Variants in GALNT2 observed in about 807,000 individuals in gnomAD.
GALNT2 encodes the protein polypeptide N-acetylgalactosaminyltransferase 2.
A neutral mutation model predicts 81.4 loss-of-function variants in GALNT2; 31 were observed. The ratio of observed to expected loss-of-function variants is 0.38; its 90% CI spans 0.29 to 0.51. GALNT2 has a LOEUF of 0.51. Among genes scored for constraint, GALNT2 ranks in the 20% least tolerant of loss-of-function variants. The pLI, the probability that GALNT2 is intolerant of heterozygous loss-of-function variation, is 0.87. For missense variants in GALNT2, 629 were observed against 765.7 expected, an observed-to-expected ratio of 0.82 and a Z score of 2.11; for synonymous variants, 303 against 287.4, an observed-to-expected ratio of 1.05 and a Z score of -0.55.
intron 1 of GALNT2, among the ~76,000 whole-genome samples, chr1:230,156,711 C>T (rs1662270133): frequency 2.6e-5 from 4 of 151,998 alleles, no homozygotes; most frequent in Non-Finnish European, 5.9e-5. Context: ...GAACTCGGGG[C>T]CATGGTAAGC....
At chr1:230,146,174 G>T (rs1349737705) in intron 1 of GALNT2, among the ~76,000 whole-genome samples, 1 of 152,172 alleles carries the variant, frequency 6.6e-6, no homozygotes, top group Non-Finnish European at 1.5e-5. Context: ...GTTTGGAGTT[G>T]GATGTGAGAA....
chr1:230,072,582 T>C (rs1374114448), intron 1 of GALNT2, among the ~76,000 whole-genome samples: 1 of 152,198 alleles, frequency 6.6e-6, no homozygotes, highest in East Asian at 1.9e-4. Flanking sequence ...CTTTTGTCCT[T>C]GTGAAGCCTC....
chr1:230,265,507 C>A (rs946234362), intron 14 of GALNT2, 140 bp downstream of exon 14: 2 of 1,183,428 alleles, frequency 1.7e-6, no homozygotes, highest in Middle Eastern at 2.9e-4. Flanking sequence ...TCCTGCTGGC[C>A]ACAGCCTCTT....
intron 1 of GALNT2, among the ~76,000 whole-genome samples, chr1:230,140,609 C>T (rs7536794): frequency 4.7e-4 from 71 of 152,348 alleles, no homozygotes; most frequent in African/African-American, 9.9e-4. Flanking sequence ...CCTGGAGTGA[C>T]GCGCTGCCAC....
At chr1:230,212,607 G>A (rs556088117) in intron 3 of GALNT2, among the ~76,000 whole-genome samples, 18 of 152,196 alleles carry the variant, frequency 1.2e-4, no homozygotes, top group African/African-American at 4.3e-4. Context: ...CAGGCTCAGC[G>A]AGATATACGA....
intron 1 of GALNT2, among the ~76,000 whole-genome samples, chr1:230,172,529 G>A (rs1662827088): frequency 6.6e-6 from 1 of 152,194 alleles, no homozygotes; most frequent in Non-Finnish European, 1.5e-5. Context: ...TAGCCCTTCT[G>A]GATCCTTTTT....
intron 2 of GALNT2, among the ~76,000 whole-genome samples, chr1:230,198,888 C>T (rs1663796498): frequency 6.6e-6 from 1 of 152,046 alleles, no homozygotes; most frequent in South Asian, 2.1e-4. Flanking sequence ...TAGGATAATG[C>T]TCTCTTTCTT....
chr1:230,063,332 A>G (rs1659093417), upstream of GALNT2, among the ~76,000 whole-genome samples: 1 of 151,898 alleles, frequency 6.6e-6, no homozygotes, highest in Non-Finnish European at 1.5e-5. Context: ...AAAATTTTAT[A>G]TAATAGCTAT....
At chr1:230,226,213 A>G (rs1252322075) in intron 3 of GALNT2, among the ~76,000 whole-genome samples, 2 of 152,204 alleles carry the variant, frequency 1.3e-5, no homozygotes, top group Non-Finnish European at 2.9e-5. Context: ...TGGTCAGTGA[A>G]ACAACAGACC....
intron 4 of GALNT2, 89 bp from the exon 5 acceptor site, chr1:230,236,264 T>G: frequency 2.1e-6 from 3 of 1,432,314 alleles, no homozygotes; most frequent in Non-Finnish European, 2.9e-6. Flanking sequence ...AACCAAGGGT[T>G]AGGACCAACA....
At chr1:230,095,457 G>A (rs1660224609) in intron 1 of GALNT2, among the ~76,000 whole-genome samples, 1 of 152,162 alleles carries the variant, frequency 6.6e-6, no homozygotes, top group South Asian at 2.1e-4. Flanking sequence ...ACCCACCCCT[G>A]CGGGCTCCTC....
intron 11 of GALNT2, among the ~76,000 whole-genome samples, chr1:230,258,166 C>T (rs537841307): frequency 8.5e-4 from 129 of 152,250 alleles, no homozygotes; most frequent in African/African-American, 2.9e-3. Context: ...CTGCCCACCT[C>T]GGCCTCCCAA....
chr1:230,246,899 G>C (rs1665388914), intron 8 of GALNT2, among the ~76,000 whole-genome samples: 1 of 151,962 alleles, frequency 6.6e-6, no homozygotes, highest in Non-Finnish European at 1.5e-5. Flanking sequence ...CTGGGCAGAG[G>C]GTTAACTGAT....
chr1:230,126,301 C>T (rs1056890819), intron 1 of GALNT2, among the ~76,000 whole-genome samples: 1 of 152,172 alleles, frequency 6.6e-6, no homozygotes, highest in Non-Finnish European at 1.5e-5. Flanking sequence ...GCAGGCACCC[C>T]TCTGCAGAAT....
At chr1:230,266,765 TC>T (rs1666047508) in intron 14 of GALNT2, among the ~76,000 whole-genome samples, 1 of 152,190 alleles carries the variant, frequency 6.6e-6, no homozygotes, top group Middle Eastern at 3.4e-3. Flanking sequence ...CCCCTAAATC[TC>T]CAGCCCTTAA....
At chr1:230,198,573 A>G (rs992431600) in intron 2 of GALNT2, among the ~76,000 whole-genome samples, 7 of 152,128 alleles carry the variant, frequency 4.6e-5, no homozygotes, top group African/African-American at 1.4e-4. Flanking sequence ...GGACATGGCC[A>G]TGCATGTGTG....
intron 1 of GALNT2, among the ~76,000 whole-genome samples, chr1:230,109,634 C>T (rs546455687): frequency 1.3e-5 from 2 of 152,278 alleles, no homozygotes; most frequent in Non-Finnish European, 2.9e-5. Flanking sequence ...TCAAGAACAG[C>T]CTGGTCAACA....
At chr1:230,108,922 G>A (rs1660617954) in intron 1 of GALNT2, among the ~76,000 whole-genome samples, 1 of 140,830 alleles carries the variant, frequency 7.1e-6, no homozygotes, top group African/African-American at 2.7e-5. Context: ...TATTGCTTTC[G>A]CACCATCGTG....
chr1:230,274,369 G>C (rs1666227721), intron 14 of GALNT2, 76 bp from the exon 15 acceptor site: 2 of 1,553,214 alleles, frequency 1.3e-6, no homozygotes, highest in East Asian at 4.6e-5. Flanking sequence ...TCCTTTTTGA[G>C]CCCTCATCGA....
Sources: allele counts gnomAD v4.1 joint callset (sites outside exome capture counted in the v4.1 genomes callset), GRCh38; gene constraint gnomAD v4.1.1; transcripts MANE v1.5; gene names NCBI Gene and HGNC (gene_info 2026-07-23, HGNC 2026-07-21).